The following CSMD3 variants were observed in gnomAD, a reference collection of about 807,000 sequenced individuals.
CSMD3 encodes CUB and Sushi multiple domains 3, also known as CUB and sushi domain-containing protein 3.
CSMD3 carries 177 observed loss-of-function variants against 435.2 expected under a neutral mutation model. That is an observed-to-expected ratio of 0.41 (90% CI 0.36 to 0.46). The LOEUF is 0.46. Ranked by LOEUF, CSMD3 falls within the 20% of genes least tolerant of loss-of-function variation. CSMD3 has a pLI of 0.34. For synonymous variants in CSMD3, 1,656 were observed against 1,520.5 expected (o/e 1.09, Z -2.07); for missense variants, 4,265 against 4,504.6 (o/e 0.95, Z 1.52).
intron 9 of CSMD3, among the ~76,000 whole-genome samples, chr8:112,941,639 T>C (rs1443646839): frequency 6.6e-6 from 1 of 151,758 alleles, no homozygotes; most frequent in Non-Finnish European, 1.5e-5. Context: ...CATGAAACAG[T>C]AAATATCTGA....
chr8:112,978,392 C>T (rs1421280370), intron 6 of CSMD3, among the ~76,000 whole-genome samples: 1 of 151,858 alleles, frequency 6.6e-6, no homozygotes, highest in Non-Finnish European at 1.5e-5. Context: ...GGGGCTTAGG[C>T]TGCTTCTCTA....
chr8:112,656,568 T>C (rs1371958454), intron 17 of CSMD3, among the ~76,000 whole-genome samples: 6 of 152,174 alleles, frequency 3.9e-5, no homozygotes, highest in Admixed American at 3.3e-4. Flanking sequence ...AGTTATGTAT[T>C]GTTCCTAAGA....
At chr8:113,073,420 A>C (rs2089210594) in intron 5 of CSMD3, among the ~76,000 whole-genome samples, 1 of 151,866 alleles carries the variant, frequency 6.6e-6, no homozygotes, top group Non-Finnish European at 1.5e-5. Context: ...TTCAGTCTAG[A>C]GGAATGAACA....
At chr8:113,324,195 G>C (rs183697061) in intron 1 of CSMD3, among the ~76,000 whole-genome samples, 1 of 152,288 alleles carries the variant, frequency 6.6e-6, no homozygotes, top group African/African-American at 2.4e-5. Flanking sequence ...AGAAATTCAA[G>C]CTGGCTGCAG....
chr8:112,971,659 A>T (rs1472729067), intron 7 of CSMD3, among the ~76,000 whole-genome samples: 4 of 152,174 alleles, frequency 2.6e-5, no homozygotes, highest in Non-Finnish European at 2.9e-5. Flanking sequence ...TGCAGTCAAA[A>T]ATATTAAGTT....
At chr8:113,182,227 T>C (rs1007391985) in intron 3 of CSMD3, among the ~76,000 whole-genome samples, 2 of 152,024 alleles carry the variant, frequency 1.3e-5, no homozygotes, top group African/African-American at 2.4e-5. Context: ...AACTATTATA[T>C]ACATATGCTA....
At chr8:112,337,445 T>C (rs1824684376) in intron 43 of CSMD3, 98 bp downstream of exon 43, 1 of 892,888 alleles carries the variant, frequency 1.1e-6, no homozygotes, top group Non-Finnish European at 1.9e-6. Flanking sequence ...ACTATATATT[T>C]AGCATGCTAT....
intron 32 of CSMD3, among the ~76,000 whole-genome samples, chr8:112,441,658 A>G (rs937439032): frequency 2.6e-5 from 4 of 152,240 alleles, no homozygotes; most frequent in Non-Finnish European, 5.9e-5. Flanking sequence ...TGGGAAATTT[A>G]CAATCATGGC....
intron 3 of CSMD3, among the ~76,000 whole-genome samples, chr8:113,276,652 C>G (rs2093573023): frequency 6.6e-6 from 1 of 152,000 alleles, no homozygotes; most frequent in Admixed American, 6.6e-5. Context: ...GGACTCCAAA[C>G]AGAGAAATCA....
chr8:112,899,656 AATAC>A (rs1195630817), intron 10 of CSMD3, among the ~76,000 whole-genome samples: 3 of 56,580 alleles, frequency 5.3e-5, no homozygotes, highest in African/African-American at 8.5e-5. Context: ...TGTGTACGCA[AATAC>A]ATACACACAC....
chr8:112,858,639 G>C (rs1055600422), intron 11 of CSMD3, among the ~76,000 whole-genome samples: 1 of 151,802 alleles, frequency 6.6e-6, no homozygotes, highest in Non-Finnish European at 1.5e-5. Flanking sequence ...ACTCATATTA[G>C]AATCAAATAG....
At chr8:112,337,793 A>G (rs938817193) in intron 42 of CSMD3, 62 bp from the exon 43 acceptor site, 4 of 1,301,416 alleles carry the variant, frequency 3.1e-6, no homozygotes, top group Non-Finnish European at 4.3e-6. Context: ...CAGATAGGGT[A>G]CTACAGCAAT....
chr8:112,555,696 A>G (rs1828053196), intron 25 of CSMD3, among the ~76,000 whole-genome samples: 2 of 152,006 alleles, frequency 1.3e-5, no homozygotes, highest in Admixed American at 1.3e-4. Flanking sequence ...CTACGCAATT[A>G]GTTGCAAGGC....
chr8:113,041,220 G>A, intron 5 of CSMD3, among the ~76,000 whole-genome samples: 1 of 135,980 alleles, frequency 7.4e-6, no homozygotes, highest in Non-Finnish European at 1.6e-5. Flanking sequence ...AAAAAAAAGG[G>A]GGGGGTGGGG....
At position 112,570,361 on chromosome 8, in the gene CSMD3, A is replaced by G. The variant is rs1305709722; in HGVS notation, c.4042+3140T>C. 2.0e-5 allele frequency among the ~76,000 whole-genome samples: 3 copies of G among 152,234 alleles called. No individual in the cohort carries two copies. In the East Asian group the frequency reaches 5.8e-4, roughly 29 times the overall value. On this transcript the variant is annotated intron_variant, in intron 24 of 70. Coordinates refer to ENST00000297405, the MANE Select transcript of CSMD3 (RefSeq NM_198123.2). The stretch of plus-strand genomic sequence containing the variant: ...ATGTTCGCAAACAAGTATAACCACA[A>G]TGCAATGTGATAACGGTTATATTAG...
chr8:113,367,480 T>C (rs1031554801), intron 1 of CSMD3, among the ~76,000 whole-genome samples: 1 of 152,046 alleles, frequency 6.6e-6, no homozygotes, highest in Admixed American at 6.6e-5. Context: ...GTACATAAAT[T>C]TACCTATTAT....
intron 4 of CSMD3, among the ~76,000 whole-genome samples, chr8:113,141,231 C>T (rs947971141): frequency 1.3e-5 from 2 of 150,494 alleles, no homozygotes; most frequent in African/African-American, 4.9e-5. Flanking sequence ...AATGCTTTTG[C>T]TGAGGAATTC....
At position 112,668,238 on chromosome 8, in the gene CSMD3, G is replaced by A. The variant is rs183263192; in HGVS notation, c.2678-1823C>T. Among the ~76,000 whole-genome samples the A allele has an allele frequency of 1.4e-4, 22 of 152,072 alleles. 1 individual carries two copies. The highest frequency in any genetic ancestry group is 2.9e-5 in the Non-Finnish European group (2 of 67,994). On this transcript the variant is annotated intron_variant, in intron 16 of 70. Coordinates refer to ENST00000297405, the MANE Select transcript of CSMD3 (RefSeq NM_198123.2). Reference sequence around the variant, plus strand: ...ATGACTCATAATTAGGTTTCCTGTAGGGTTATGTATTTCAAAAATGAAATT... The same window carrying A: ...ATGACTCATAATTAGGTTTCCTGTAAGGTTATGTATTTCAAAAATGAAATT...
At chr8:113,158,895 G>A (rs536018952) in intron 4 of CSMD3, among the ~76,000 whole-genome samples, 2 of 151,946 alleles carry the variant, frequency 1.3e-5, no homozygotes, top group Non-Finnish European at 1.5e-5. Context: ...GGGGAAATGT[G>A]ACGGAAAAAA....
Sources: allele counts gnomAD v4.1 joint callset (sites outside exome capture counted in the v4.1 genomes callset), GRCh38; gene constraint gnomAD v4.1.1; transcripts MANE v1.5; gene names NCBI Gene and HGNC (gene_info 2026-07-23, HGNC 2026-07-21).